The following PTMA variants were observed in gnomAD, a reference collection of about 807,000 sequenced individuals.
PTMA encodes the protein prothymosin alpha, also known as gene sequence 28.
A neutral mutation model predicts 16.9 loss-of-function variants in PTMA; 4 were observed. The observed-to-expected ratio is 0.24, with a 90% CI of 0.12 to 0.54. The LOEUF (loss-of-function observed/expected upper bound fraction) is 0.54, where lower values mean the gene tolerates loss of function less well. Among genes scored for constraint, PTMA ranks in the 20% least tolerant of loss-of-function variants. The pLI is 0.95. For synonymous variants in PTMA, 58 were observed against 47.9 expected (o/e 1.21, Z -0.87); for missense variants, 120 against 137.7 (o/e 0.87, Z 0.64).
In PTMA at chr2:231,712,936, G is replaced by C. The variant is rs896153147; in HGVS notation, c.*85G>C. ...CCACTTCCCGTCTCAGAATCTAAACGTGGTCACCTTCGAGTAGAGAGGCCC... is the reference window on the plus strand; with the variant it reads ...CCACTTCCCGTCTCAGAATCTAAACCTGGTCACCTTCGAGTAGAGAGGCCC... On this transcript the variant is annotated 3_prime_UTR_variant, in exon 5 of 5. Transcript: ENST00000409115. 85 of 1,439,910 alleles carry C rather than the reference G, an allele frequency of 5.9e-5. No individual in the cohort carries two copies. The highest frequency in any genetic ancestry group is 7.2e-5 in the Non-Finnish European group (77 of 1,064,176). The allele number at this position is 1,439,910 out of a possible 1,614,324, so 89.2% of individuals were successfully genotyped here.
At chr2:231,710,132 A>G in intron 1 of PTMA, 1 of 1,249,932 alleles carries the variant, frequency 8.0e-7, no homozygotes, top group Non-Finnish European at 1.0e-6. Flanking sequence ...GGACCTACGC[A>G]GCCCGGTGGA....
In PTMA at chr2:231,709,901, C is replaced by T. The variant is rs1466585588; in HGVS notation, c.45+1150C>T. Reference sequence around the variant, plus strand: ...CTTGTGTCCCTGGCGTCATCTCTGACTCTCCCAGGGGCGACTTCTTGGCAG... The same window carrying T: ...CTTGTGTCCCTGGCGTCATCTCTGATTCTCCCAGGGGCGACTTCTTGGCAG... On this transcript the variant is annotated intron_variant, in intron 1 of 4. Transcript: ENST00000409115. 4 of 371,330 alleles carry T rather than the reference C, an allele frequency of 1.1e-5. No homozygotes were observed. The East Asian group carries it at 1.4e-4, about 13-fold the overall frequency. The allele number at this position is 371,330 out of a possible 1,614,324, so 23.0% of individuals were successfully genotyped here. A position where few individuals can be genotyped will look rare whatever the true frequency, so the allele number is the denominator to read the frequency against.
intron 1 of PTMA, chr2:231,711,104 C>A (rs1378761936): frequency 2.6e-6 from 1 of 381,628 alleles, no homozygotes; most frequent in African/African-American, 2.1e-5. Context: ...GTGGGAACCG[C>A]CACCGGGGCC....
rs1169101702 is a variant in PTMA at position 231,710,055 on chromosome 2, G to A, written c.46-1293G>A. 6 of 1,224,608 alleles carry A rather than the reference G, an allele frequency of 4.9e-6. No individual in the cohort carries two copies. The South Asian group carries it at 1.3e-4, about 26-fold the overall frequency. 75.9% of individuals were successfully genotyped at this position (1,224,608 alleles called of 1,614,324 possible). Reference sequence around the variant, plus strand: ...GCCTGGCTGTTCGATTTTCTCCGAAGCACCAAAAGGTGACTTCCCGCGAGG... The same window carrying A: ...GCCTGGCTGTTCGATTTTCTCCGAAACACCAAAAGGTGACTTCCCGCGAGG... On this transcript the variant is annotated intron_variant, in intron 1 of 4. Transcript: ENST00000409115.
At chr2:231,711,157 GC>G in intron 1 of PTMA, 190 bp from the exon 2 acceptor site, 2 of 520,694 alleles carry the variant, frequency 3.8e-6, no homozygotes, top group African/African-American at 1.9e-5. Context: ...GATCACAGAT[GC>G]CCCCCGCCGG....
At chr2:231,712,311 C>A (rs2048528757) in intron 3 of PTMA, 132 bp from the exon 4 acceptor site, 3 of 1,000,934 alleles carry the variant, frequency 3.0e-6, no homozygotes, top group Admixed American at 4.2e-5. Flanking sequence ...GGCGTGGGTG[C>A]CCTGATTGGG....
rs1390733356 is a variant in PTMA, at chr2:231,708,732, G to C, written c.26G>C (p.Ser9Thr). MSDAAVDT[S>T]SEITTKDLKE... ...ATGTCAGACGCAGCCGTAGACACCA[G>C]CTCCGAAATCACCACCAAGGTGAGG... The change falls in exon 1 of 5, where the codon AGC becomes ACC. Residue 9 changes from serine to threonine, a missense_variant. Ser to Thr is a moderately conservative substitution (Grantham distance 58, BLOSUM62 1). Transcript: ENST00000409115. 6.2e-7 allele frequency: 1 copy of C among 1,603,772 alleles called. No homozygotes were observed. Among genetic ancestry groups the C allele is most frequent in the African/African-American group, 1.3e-5 (1 of 75,042 alleles).
chr2:231,710,110 C>T, intron 1 of PTMA: 1 of 1,242,732 alleles, frequency 8.0e-7, no homozygotes, highest in Non-Finnish European at 1.0e-6. Flanking sequence ...GAGGCGCATC[C>T]CCGACAGTCT....
intron 1 of PTMA, among the ~76,000 whole-genome samples, chr2:231,709,597 C>T (rs62197231): frequency 0.16 from 23,964 of 152,138 alleles, 2,216 homozygotes; most frequent in Non-Finnish European, 0.21. Flanking sequence ...GCCAACACGG[C>T]GGCCGCGACA....
intron 2 of PTMA, 179 bp downstream of exon 2, chr2:231,711,598 A>G (rs866989338): frequency 5.4e-6 from 4 of 740,960 alleles, no homozygotes; most frequent in South Asian, 3.8e-5. Context: ...AAATATTTAT[A>G]AAAACCTTTC....
Position 231,708,628 on chromosome 2 carries a change from C to T in PTMA, c.-79C>T. On this transcript the variant is annotated 5_prime_UTR_variant, in exon 1 of 5. Transcript: ENST00000409115. ...CGCGCCTCCTCCGCCGCCGCGGACT[C>T]CGGCAGCTTTATCGCCAGAGTCCCT... 6.3e-7 allele frequency: 1 copy of T among 1,577,594 alleles called. No individual in the cohort carries two copies. Among genetic ancestry groups the T allele is most frequent in the Non-Finnish European group, 8.6e-7 (1 of 1,162,610 alleles).
chr2:231,709,137 G>A (rs1416519762), intron 1 of PTMA, among the ~76,000 whole-genome samples: 4 of 152,162 alleles, frequency 2.6e-5, no homozygotes, highest in Non-Finnish European at 5.9e-5. Context: ...GTTGGGAATC[G>A]GAAGTGCTGG....
At chr2:231,712,327 T>C in intron 3 of PTMA, 116 bp from the exon 4 acceptor site, 3 of 1,134,222 alleles carry the variant, frequency 2.6e-6, no homozygotes, top group Non-Finnish European at 3.9e-6. Flanking sequence ...TTGGGCCCAG[T>C]TGCAGGCAGT....
At chr2:231,712,751 C>T in intron 4 of PTMA, 53 bp from the exon 5 acceptor site, 1 of 1,557,248 alleles carries the variant, frequency 6.4e-7, no homozygotes, top group Non-Finnish European at 8.7e-7. Flanking sequence ...AGGCAGTGGG[C>T]TGGATAGGGC....
At position 231,711,436 on chromosome 2, in the gene PTMA, C is replaced by T. The variant is rs199856258; in HGVS notation, c.117+17C>T. The T allele has an allele frequency of 1.2e-5, 20 of 1,613,186 alleles. No individual in the cohort carries two copies. The highest frequency in any genetic ancestry group is 3.3e-4 in the Middle Eastern group (2 of 6,084). On this transcript the variant is annotated intron_variant, in intron 2 of 4. Coordinates refer to ENST00000409115, the MANE Select transcript of PTMA (RefSeq NM_002823.5). The stretch of plus-strand genomic sequence containing the variant: ...GGGAATGCTGTGAGTGTCTGCTTTG[C>T]TCCTGAGCCCTGGCAGCTACCGCCC...
At chr2:231,710,074 C>T (rs2106242523) in intron 1 of PTMA, 4 of 1,231,144 alleles carry the variant, frequency 3.2e-6, no homozygotes, top group South Asian at 4.1e-5. Context: ...GGTGACTTCC[C>T]GCGAGGGCGA....
chr2:231,709,336 G>C (rs867714071), intron 1 of PTMA, among the ~76,000 whole-genome samples: 3 of 152,102 alleles, frequency 2.0e-5, no homozygotes, highest in Non-Finnish European at 2.9e-5. Flanking sequence ...CGGCCGTCCC[G>C]GCGGAGGTGT....
intron 1 of PTMA, 132 bp from the exon 2 acceptor site, chr2:231,711,216 C>T (rs550189040): frequency 2.3e-4 from 169 of 719,744 alleles, no homozygotes; most frequent in Middle Eastern, 8.3e-4. Context: ...GGGCATCAGG[C>T]CTTTCTCAAC....
intron 2 of PTMA, 199 bp downstream of exon 2, chr2:231,711,618 C>T: frequency 1.4e-6 from 1 of 740,490 alleles, no homozygotes; most frequent in East Asian, 2.7e-5. Context: ...CGAGCAGCGC[C>T]TGAACAAGAA....
Sources: allele counts gnomAD v4.1 joint callset (sites outside exome capture counted in the v4.1 genomes callset), GRCh38; gene constraint gnomAD v4.1.1; transcripts MANE v1.5; gene names NCBI Gene and HGNC (gene_info 2026-07-23, HGNC 2026-07-21).